Variants in ERICH1 observed in about 807,000 individuals in gnomAD.
ERICH1 encodes glutamate-rich protein 1.
Under a neutral mutation model 39.6 loss-of-function variants are expected in ERICH1, and 56 were observed. The ratio of observed to expected loss-of-function variants is 1.41; its 90% confidence interval spans 1.14 to 1.77. The LOEUF is 1.77. Ranked by LOEUF, ERICH1 falls within the 40% of genes most tolerant of loss-of-function variation. The probability of loss-of-function intolerance (pLI) is 0.00; values close to 1 mark genes in which losing one functional copy is unlikely to be tolerated. For synonymous variants in ERICH1, 313 were observed against 223.6 expected (o/e 1.40, Z -3.57); for missense variants, 826 against 575.4 (o/e 1.44, Z -4.45).
At chr8:619,065 A>G (rs1797114615) in intron 3 of ERICH1, among the ~76,000 whole-genome samples, 2 of 152,156 alleles carry the variant, frequency 1.3e-5, no homozygotes, top group South Asian at 4.2e-4. Context: ...TTTCAGCCTC[A>G]GCCCTCCCTC....
At chr8:677,918 C>CCGCTCATCGCCAGTGT (rs1554504509) in intron 3 of ERICH1, among the ~76,000 whole-genome samples, 105 of 152,152 alleles carry the variant, frequency 6.9e-4, no homozygotes, top group Non-Finnish European at 1.4e-3. Flanking sequence ...TCTGTCAGTG[C>CCGCTCATCGCCAGTGT]CGCTCATCGC....
At chr8:689,402 C>G (rs559571198) in intron 3 of ERICH1, among the ~76,000 whole-genome samples, 1 of 152,200 alleles carries the variant, frequency 6.6e-6, no homozygotes, top group East Asian at 1.9e-4. Context: ...TGAGCCACTG[C>G]GCCTGGCCTC....
intron 1 of ERICH1, among the ~76,000 whole-genome samples, chr8:724,961 C>A (rs896669510): frequency 1.3e-5 from 2 of 152,216 alleles, no homozygotes; most frequent in East Asian, 3.9e-4. Context: ...CTTCCCTGCG[C>A]CAGCCACGAA....
Position 655,100 on chromosome 8 carries a change from C to T in ERICH1, c.976+13498G>A, listed in dbSNP as rs372313312. On this transcript the variant is annotated intron_variant, in intron 3 of 3. Coordinates refer to the ERICH1 transcript ENST00000522706. ...AAAACCAACCCCGAGTGGTCTCTGC[C>T]GAGCCCAGATGCACGACGGGACCTC... Among the ~76,000 whole-genome samples, 362 of 152,280 alleles carry T rather than the reference C, an allele frequency of 2.4e-3. 1 individual carries two copies. The highest frequency in any genetic ancestry group is 8.2e-3 in the African/African-American group (341 of 41,542).
intron 3 of ERICH1, among the ~76,000 whole-genome samples, chr8:652,969 G>A (rs575377529): frequency 3.5e-4 from 53 of 152,316 alleles, no homozygotes; most frequent in Middle Eastern, 3.4e-3. Flanking sequence ...AGAGGATGAG[G>A]AGGAATGAGC....
In ERICH1 at chr8:693,595, C is replaced by T. The variant is rs116441380; in HGVS notation, c.170-983G>A. On this transcript the variant is annotated intron_variant, in intron 2 of 5. Coordinates refer to ENST00000262109, the MANE Select transcript of ERICH1 (RefSeq NM_207332.3). ...GCTGGGACCTCCCTGCTGTGTGCCC[C>T]TCTGCATACGGAACCTCCCCTGCTG... Among the ~76,000 whole-genome samples, 304 of 152,022 alleles carry T rather than the reference C, an allele frequency of 2.0e-3. 2 individuals are homozygous for T. Among genetic ancestry groups the T allele is most frequent in the African/African-American group, 6.8e-3 (284 of 41,528 alleles).
At position 676,563 on chromosome 8, in the gene ERICH1, C is replaced by T. The variant is rs1293502074; in HGVS notation, c.305-2516G>A. On this transcript the variant is annotated intron_variant, in intron 3 of 5. Transcript: ENST00000262109. ...GAGGCACACTACCCGTGCTGCTGCT[C>T]CCTGACAGAAGGGTATCAGATAAGT... 2.0e-5 allele frequency among the ~76,000 whole-genome samples: 3 copies of T among 152,216 alleles called. 1 individual carries two copies. The East Asian group carries it at 5.8e-4, about 29-fold the overall frequency.
At chr8:716,600 C>T (rs1816065161) in intron 1 of ERICH1, among the ~76,000 whole-genome samples, 1 of 152,242 alleles carries the variant, frequency 6.6e-6, no homozygotes, top group Non-Finnish European at 1.5e-5. Context: ...CTTTACTTTG[C>T]TTGTTTTAGT....
intron 2 of ERICH1, among the ~76,000 whole-genome samples, chr8:703,442 G>A (rs11994306): frequency 0.22 from 33,977 of 152,088 alleles, 4,441 homozygotes; most frequent in Non-Finnish European, 0.3. Context: ...CAGAGGGGCC[G>A]CCAAGGAGCC....
chr8:694,835 T>A (rs1195479397), intron 2 of ERICH1, among the ~76,000 whole-genome samples: 1 of 152,140 alleles, frequency 6.6e-6, no homozygotes, highest in Non-Finnish European at 1.5e-5. Context: ...TTACACTTTA[T>A]GGGGTGGGCG....
intron 3 of ERICH1, among the ~76,000 whole-genome samples, chr8:654,240 G>C (rs1585058099): frequency 6.6e-6 from 1 of 152,220 alleles, no homozygotes; most frequent in African/African-American, 2.4e-5. Context: ...TTAAGACCCT[G>C]TTCATCCTAA....
intron 2 of ERICH1, among the ~76,000 whole-genome samples, chr8:707,340 T>A (rs1304215263): frequency 1.3e-5 from 2 of 151,910 alleles, no homozygotes; most frequent in Non-Finnish European, 2.9e-5. Context: ...CCCAGGTAGC[T>A]GGGACTACAG....
At chr8:636,744 C>T (rs1018759002) in intron 3 of ERICH1, among the ~76,000 whole-genome samples, 2 of 152,258 alleles carry the variant, frequency 1.3e-5, no homozygotes, top group South Asian at 2.1e-4. Flanking sequence ...GACCTGGCCT[C>T]GGCAGGCAGC....
intron 3 of ERICH1, among the ~76,000 whole-genome samples, chr8:625,276 C>T (rs1797538199): frequency 6.6e-6 from 1 of 152,180 alleles, no homozygotes; most frequent in Non-Finnish European, 1.5e-5. Context: ...TCTACTCAAA[C>T]AATGGAATAG....
At chr8:623,664 T>G (rs1462826202) in intron 3 of ERICH1, among the ~76,000 whole-genome samples, 1 of 151,942 alleles carries the variant, frequency 6.6e-6, no homozygotes, top group Non-Finnish European at 1.5e-5. Flanking sequence ...AACAGTCATT[T>G]AAATAAATGA....
chr8:722,392 G>A (rs1563358821), intron 1 of ERICH1, among the ~76,000 whole-genome samples: 1 of 152,060 alleles, frequency 6.6e-6, no homozygotes, highest in Non-Finnish European at 1.5e-5. Flanking sequence ...TTTCACAGGG[G>A]AATTAAGTCA....
chr8:689,859 C>T (rs1808514590), intron 3 of ERICH1, among the ~76,000 whole-genome samples: 1 of 152,162 alleles, frequency 6.6e-6, no homozygotes. Flanking sequence ...CTGTAATAGA[C>T]TCTGTAAATT....
At chr8:670,123 T>G (rs1388993122) in intron 4 of ERICH1, among the ~76,000 whole-genome samples, 1 of 152,224 alleles carries the variant, frequency 6.6e-6, no homozygotes, top group African/African-American at 2.4e-5. Flanking sequence ...TCCTGGTCAC[T>G]AATTCTCTTT....
rs202247313 is a variant in ERICH1, at chr8:637,086, T to C, written c.977-21802A>G. Among the ~76,000 whole-genome samples, 25 of 152,388 alleles carry C rather than the reference T, an allele frequency of 1.6e-4. No individual in the cohort carries two copies. The East Asian group carries it at 2.7e-3, about 16-fold the overall frequency. On this transcript the variant is annotated intron_variant, in intron 3 of 3. Coordinates refer to the ERICH1 transcript ENST00000522706. ...TGACCACACCAGGGCTGCTTCCTGT[T>C]GCCTGAAGGCTAACGACACGTTTCT... is the stretch of plus-strand genomic sequence containing the variant.
Sources: gnomAD v4.1 joint callset for allele counts (sites outside exome capture counted in the v4.1 genomes callset) on GRCh38, gnomAD v4.1.1 for gene constraint, MANE v1.5 for transcripts, NCBI Gene and HGNC (gene_info 2026-07-23, HGNC 2026-07-21) for gene names.